The following DAPK2 variants were observed in gnomAD, a reference collection of about 807,000 sequenced individuals.
The protein encoded by DAPK2 is death associated protein kinase 2, also known as death-associated protein kinase 2.
Under a neutral mutation model 44.1 loss-of-function variants are expected in DAPK2, and 35 were observed. That is an observed-to-expected ratio of 0.79 (90% CI 0.61 to 1.05). The LOEUF (loss-of-function observed/expected upper bound fraction) is 1.05. Ranked by LOEUF, DAPK2 falls within the 50% of genes least tolerant of loss-of-function variation. The probability of loss-of-function intolerance (pLI) is 0.00; values close to 1 mark genes in which losing one functional copy is unlikely to be tolerated. For synonymous variants in DAPK2, 174 were observed against 182.6 expected, an observed-to-expected ratio of 0.95 and a Z score of 0.38; for missense variants, 453 against 483.2, an observed-to-expected ratio of 0.94 and a Z score of 0.59.
At chr15:64,035,278 C>T (rs1345829508) in intron 1 of DAPK2, among the ~76,000 whole-genome samples, 1 of 152,150 alleles carries the variant, frequency 6.6e-6, no homozygotes, top group Non-Finnish European at 1.5e-5. Context: ...ATTGTGCATG[C>T]AGTAGTTGTC....
intron 6 of DAPK2, 190 bp downstream of exon 7, chr15:63,929,361 C>G: frequency 1.5e-6 from 1 of 677,064 alleles, no homozygotes; most frequent in Non-Finnish European, 2.5e-6. Flanking sequence ...GCCTATTCAA[C>G]CTCAATGCCA....
At chr15:63,921,939 C>T (rs1271548519) in intron 8 of DAPK2, 1 of 152,208 alleles carries the variant, frequency 6.6e-6, no homozygotes, top group Non-Finnish European at 1.5e-5. Context: ...ATTCCACCTA[C>T]ACCTGGCAGA....
At chr15:63,934,249 G>GTTTTTTTTTTTTTTTTTT (rs772176640) in intron 4 of DAPK2, among the ~76,000 whole-genome samples, 1 of 63,286 alleles carries the variant, frequency 1.6e-5, no homozygotes. Flanking sequence ...TTTTATCCTA[G>GTTTTTTTTTTTTTTTTTT]TTTTTTTTTT....
intron 1 of DAPK2, among the ~76,000 whole-genome samples, chr15:64,016,712 G>A (rs2079535130): frequency 6.6e-6 from 1 of 151,986 alleles, no homozygotes; most frequent in South Asian, 2.1e-4. Flanking sequence ...AAGATCGCTT[G>A]AGCCCAGGAG....
chr15:64,000,183 TACTAC>T (rs1476114094), intron 1 of DAPK2, among the ~76,000 whole-genome samples: 7 of 115,782 alleles, frequency 6.0e-5, no homozygotes, highest in African/African-American at 2.4e-4. Flanking sequence ...CTACTACTAC[TACTAC>T]ACACACACAC....
intron 2 of DAPK2, among the ~76,000 whole-genome samples, chr15:63,979,745 T>C (rs1483130859): frequency 6.6e-6 from 1 of 151,838 alleles, no homozygotes; most frequent in Non-Finnish European, 1.5e-5. Flanking sequence ...AAACCCCACC[T>C]CTACTAAAAA....
chr15:64,032,647 G>C (rs141882498), intron 1 of DAPK2, among the ~76,000 whole-genome samples: 75 of 152,210 alleles, frequency 4.9e-4, no homozygotes, highest in African/African-American at 1.8e-3. Context: ...AAGATTAGTA[G>C]GCAAGATTCA....
chr15:63,985,467 T>C (rs2078643793), intron 1 of DAPK2, among the ~76,000 whole-genome samples: 1 of 152,212 alleles, frequency 6.6e-6, no homozygotes, highest in South Asian at 2.1e-4. Context: ...CGGGTGGCTC[T>C]GAGTCTCAGT....
chr15:63,945,902 G>A (rs1182959207), intron 3 of DAPK2, among the ~76,000 whole-genome samples: 3 of 152,212 alleles, frequency 2.0e-5, no homozygotes, highest in African/African-American at 7.2e-5. Context: ...AGAACAGGCT[G>A]CTGCAACCAC....
chr15:63,965,189 T>G (rs913418184), intron 3 of DAPK2, among the ~76,000 whole-genome samples: 5 of 152,228 alleles, frequency 3.3e-5, no homozygotes, highest in Non-Finnish European at 7.3e-5. Flanking sequence ...AGCCCAGTAA[T>G]GCTGTGGTTC....
chr15:64,006,055 C>A (rs182817), intron 1 of DAPK2, among the ~76,000 whole-genome samples: 50,169 of 140,272 alleles, frequency 0.36, 9,535 homozygotes, highest in South Asian at 0.56. Context: ...AAAAAAAAAA[C>A]CCCACAAAAA....
At chr15:63,953,126 A>G (rs1042860168) in intron 3 of DAPK2, among the ~76,000 whole-genome samples, 3 of 150,348 alleles carry the variant, frequency 2.0e-5, no homozygotes, top group Non-Finnish European at 4.4e-5. Flanking sequence ...TTTATACCTC[A>G]CCCCCCTCCC....
intron 4 of DAPK2, among the ~76,000 whole-genome samples, chr15:63,933,375 C>G (rs557902419): frequency 6.6e-6 from 1 of 152,202 alleles, no homozygotes; most frequent in East Asian, 1.9e-4. Flanking sequence ...TCCCAAGTAG[C>G]TGGGATTACA....
At chr15:63,936,528 T>C (rs1235849517) in intron 4 of DAPK2, among the ~76,000 whole-genome samples, 1 of 152,104 alleles carries the variant, frequency 6.6e-6, no homozygotes, top group East Asian at 1.9e-4. Context: ...CAAGAATCAC[T>C]TGAACCCAGG....
intron 1 of DAPK2, among the ~76,000 whole-genome samples, chr15:64,039,720 G>A (rs1263378005): frequency 6.6e-6 from 1 of 152,192 alleles, no homozygotes; most frequent in Admixed American, 6.5e-5. Flanking sequence ...TGGGGCTCGT[G>A]TGGCTGGTTA....
intron 4 of DAPK2, among the ~76,000 whole-genome samples, chr15:63,932,001 C>G (rs1022186536): frequency 6.6e-6 from 1 of 151,394 alleles, no homozygotes; most frequent in African/African-American, 2.4e-5. Flanking sequence ...CCCATCTCTA[C>G]TAAAAATAAA....
chr15:63,978,083 T>A (rs2078403952), intron 2 of DAPK2, among the ~76,000 whole-genome samples: 1 of 152,094 alleles, frequency 6.6e-6, no homozygotes, highest in Admixed American at 6.5e-5. Flanking sequence ...AGACATTCAA[T>A]CAGAAGTTTG....
At position 63,992,773 on chromosome 15, in the gene DAPK2, G is replaced by A. The variant is rs569099459; in HGVS notation, c.93-9019C>T. On this transcript the variant is annotated intron_variant, in intron 1 of 10. Transcript: ENST00000261891. ...TCAAGGGACCAGTCGGGCTCAGTTG[G>A]GTCAGGCACCCTTCCCACCATCTGA... Among the ~76,000 whole-genome samples the A allele has an allele frequency of 3.9e-5, 6 of 152,246 alleles. No homozygotes were observed. In the South Asian group the frequency reaches 1.2e-3, roughly 32 times the overall value.
chr15:64,019,395 C>G lies in DAPK2; in HGVS notation c.92+20775G>C, dbSNP rs73456765. Reference sequence around the variant, plus strand: ...TTATTCGGAAGAGTAGCTTCTCTTACATGGACTTTTCTCTTTTGATAACTA... The same window carrying G: ...TTATTCGGAAGAGTAGCTTCTCTTAGATGGACTTTTCTCTTTTGATAACTA... On this transcript the variant is annotated intron_variant, in intron 1 of 10. Transcript: ENST00000261891. 9.6e-4 allele frequency among the ~76,000 whole-genome samples: 146 copies of G among 152,332 alleles called. 1 individual carries two copies. Among genetic ancestry groups the G allele is most frequent in the African/African-American group, 3.3e-3 (137 of 41,570 alleles).
Sources: gnomAD v4.1 joint callset for allele counts (sites outside exome capture counted in the v4.1 genomes callset) on GRCh38, gnomAD v4.1.1 for gene constraint, MANE v1.5 for transcripts, NCBI Gene and HGNC (gene_info 2026-07-23, HGNC 2026-07-21) for gene names.